Variants in CHN2 observed in about 807,000 individuals in gnomAD.
The protein encoded by CHN2 is beta-chimaerin.
Under a neutral mutation model 56.3 loss-of-function variants are expected in CHN2, and 35 were observed. The ratio of observed to expected loss-of-function variants is 0.62; its 90% CI spans 0.47 to 0.82. The LOEUF (loss-of-function observed/expected upper bound fraction) is 0.82. Among genes scored for constraint, CHN2 ranks in the 40% least tolerant of loss-of-function variants. The pLI, the probability that CHN2 is intolerant of heterozygous loss-of-function variation, is 0.00. For missense variants in CHN2, 491 were observed against 580.5 expected, an observed-to-expected ratio of 0.85 and a Z score of 1.58; for synonymous variants, 210 against 212.8, an observed-to-expected ratio of 0.99 and a Z score of 0.12.
At chr7:29,428,198 T>A (rs1805074658) in intron 6 of CHN2, among the ~76,000 whole-genome samples, 1 of 152,214 alleles carries the variant, frequency 6.6e-6, no homozygotes, top group Non-Finnish European at 1.5e-5. Flanking sequence ...GCAGGATTGT[T>A]GAGAGGAGTG....
At chr7:29,231,535 A>G (rs565072467) in intron 1 of CHN2, among the ~76,000 whole-genome samples, 1 of 152,296 alleles carries the variant, frequency 6.6e-6, no homozygotes, top group East Asian at 1.9e-4. Flanking sequence ...AGCAACAAAG[A>G]GATATCTCCT....
chr7:29,298,364 G>T (rs1479672032), intron 1 of CHN2, among the ~76,000 whole-genome samples: 1 of 152,132 alleles, frequency 6.6e-6, no homozygotes, highest in Non-Finnish European at 1.5e-5. Flanking sequence ...TTGACCCGAA[G>T]CTTGGAATTA....
At chr7:29,348,300 CT>C (rs980424858) in intron 1 of CHN2, among the ~76,000 whole-genome samples, 7 of 152,148 alleles carry the variant, frequency 4.6e-5, no homozygotes, top group African/African-American at 1.7e-4. Context: ...TTAGTTAAAA[CT>C]TTAGCACGTA....
At chr7:29,347,293 C>T (rs987923884) in intron 1 of CHN2, among the ~76,000 whole-genome samples, 9 of 152,168 alleles carry the variant, frequency 5.9e-5, no homozygotes, top group Non-Finnish European at 8.8e-5. Context: ...AGTTCAACTT[C>T]CCTGAATCTA....
chr7:29,377,647 G>A (rs1201327609), intron 3 of CHN2, among the ~76,000 whole-genome samples: 1 of 51,594 alleles, frequency 1.9e-5, no homozygotes, highest in Non-Finnish European at 4.9e-5. Flanking sequence ...TCCAGAGCAG[G>A]TGGTTTGGGC....
At chr7:29,312,120 G>T (rs1368285231) in intron 1 of CHN2, among the ~76,000 whole-genome samples, 4 of 152,180 alleles carry the variant, frequency 2.6e-5, no homozygotes, top group African/African-American at 9.7e-5. Context: ...TAAGCGAGCT[G>T]TCAGTGGTCG....
chr7:29,499,489 C>T (rs1172305524), intron 8 of CHN2, among the ~76,000 whole-genome samples: 1 of 152,142 alleles, frequency 6.6e-6, no homozygotes, highest in Non-Finnish European at 1.5e-5. Context: ...CTGGAACAAA[C>T]CCTAGGTGCC....
chr7:29,256,517 G>A (rs1263721634), intron 1 of CHN2, among the ~76,000 whole-genome samples: 1 of 152,158 alleles, frequency 6.6e-6, no homozygotes, highest in African/African-American at 2.4e-5. Context: ...AGTGCAGCTT[G>A]CCTATAGGTG....
In CHN2 at chr7:29,189,275, C is replaced by G. The variant is rs145006575; in HGVS notation, c.274+42315C>G. Among the ~76,000 whole-genome samples the G allele has an allele frequency of 1.8e-3, 278 of 152,120 alleles. 1 individual carries two copies. The highest frequency in any genetic ancestry group is 6.4e-3 in the African/African-American group (267 of 41,512). ...CCAGTTTCCCTCATATCTTTATTCCCCAGGCCTCGTATACTCCCTGGCACA... is the reference window on the plus strand; with the variant it reads ...CCAGTTTCCCTCATATCTTTATTCCGCAGGCCTCGTATACTCCCTGGCACA... On this transcript the variant is annotated intron_variant, in intron 2 of 6. Coordinates refer to the CHN2 transcript ENST00000439384.
chr7:29,183,932 A>T (rs1372371416), intron 2 of CHN2, among the ~76,000 whole-genome samples: 9 of 152,216 alleles, frequency 5.9e-5, no homozygotes, highest in Admixed American at 5.9e-4. Flanking sequence ...AATGGGGCAT[A>T]ACAACGAGTT....
At chr7:29,253,367 A>C (rs1440268095) in intron 1 of CHN2, among the ~76,000 whole-genome samples, 5 of 152,230 alleles carry the variant, frequency 3.3e-5, no homozygotes, top group Admixed American at 1.3e-4. Flanking sequence ...CATGTTGACA[A>C]AGCAAAACTT....
chr7:29,294,155 G>T (rs984123724), intron 1 of CHN2, among the ~76,000 whole-genome samples: 1 of 152,026 alleles, frequency 6.6e-6, no homozygotes, highest in African/African-American at 2.4e-5. Flanking sequence ...TGTGAGCCAC[G>T]GCGCCCGGCC....
chr7:29,190,966 A>G (rs548794570), upstream of CHN2, among the ~76,000 whole-genome samples: 1 of 150,214 alleles, frequency 6.7e-6, no homozygotes, highest in African/African-American at 2.5e-5. Flanking sequence ...ACAGGGCCTC[A>G]CTCTGTCTCC....
chr7:29,347,205 T>C (rs573702991), intron 1 of CHN2, among the ~76,000 whole-genome samples: 15 of 152,250 alleles, frequency 9.9e-5, no homozygotes, highest in Non-Finnish European at 1.6e-4. Flanking sequence ...GAATTTCAAT[T>C]GACCTAACTT....
intron 9 of CHN2, among the ~76,000 whole-genome samples, chr7:29,503,383 G>A (rs1177990336): frequency 6.6e-6 from 1 of 152,134 alleles, no homozygotes; most frequent in African/African-American, 2.4e-5. Flanking sequence ...TCACTGCTAG[G>A]GGCTCCCATA....
intron 1 of CHN2, among the ~76,000 whole-genome samples, chr7:29,350,865 T>A (rs1359646069): frequency 2.0e-5 from 3 of 152,098 alleles, no homozygotes; most frequent in Admixed American, 6.6e-5. Context: ...ATCCCAGCAC[T>A]TTGGGAGGCC....
chr7:29,289,539 C>T (rs894987461), intron 1 of CHN2, among the ~76,000 whole-genome samples: 3 of 152,038 alleles, frequency 2.0e-5, no homozygotes, highest in Admixed American at 1.3e-4. Context: ...GGAAAACAGG[C>T]GAACATTGGA....
intron 6 of CHN2, among the ~76,000 whole-genome samples, chr7:29,430,707 A>G (rs377291535): frequency 6.6e-6 from 1 of 151,404 alleles, no homozygotes; most frequent in African/African-American, 2.4e-5. Flanking sequence ...TAAAATATGT[A>G]CGAAGGCAGT....
chr7:29,344,116 T>A (rs4998833), intron 1 of CHN2, among the ~76,000 whole-genome samples: 40,876 of 152,114 alleles, frequency 0.27, 6,435 homozygotes, highest in East Asian at 0.38. Flanking sequence ...GCCTGTAGAT[T>A]CTGTCTTCTC....
Sources: gnomAD v4.1 joint callset for allele counts (sites outside exome capture counted in the v4.1 genomes callset) on GRCh38, gnomAD v4.1.1 for gene constraint, MANE v1.5 for transcripts, NCBI Gene and HGNC (gene_info 2026-07-23, HGNC 2026-07-21) for gene names.